MMD2: variants seen among roughly 807,000 people sequenced by gnomAD.
MMD2 encodes monocyte to macrophage differentiation factor 2.
A neutral mutation model predicts 33.5 loss-of-function variants in MMD2; 30 were observed. That is an observed-to-expected ratio of 0.90 (90% CI 0.67 to 1.22). MMD2 has a LOEUF of 1.22. Among genes scored for constraint, MMD2 ranks in the 50% most tolerant of loss-of-function variants. The pLI, the probability that MMD2 is intolerant of heterozygous loss-of-function variation, is 0.00. For missense variants in MMD2, 364 were observed against 325.4 expected (o/e 1.12, Z -0.91); for synonymous variants, 129 against 123.0 (o/e 1.05, Z -0.32).
chr7:4,895,044 G>T, the MMD2 span, among the ~76,000 whole-genome samples: 1 of 151,102 alleles, frequency 6.6e-6, no homozygotes, highest in Non-Finnish European at 1.5e-5. Context: ...ACGCTCAGCC[G>T]CTTGCATCCC....
At position 4,906,308 on chromosome 7, in the gene MMD2, G is replaced by A. The variant is rs2115080654; in HGVS notation, c.*1088C>T. The A allele has an allele frequency of 2.5e-6, 1 of 394,004 alleles. No homozygotes were observed. Among genetic ancestry groups the A allele is most frequent in the East Asian group, 3.6e-5 (1 of 27,852 alleles). 24.4% of individuals were successfully genotyped at this position (394,004 alleles called of 1,614,324 possible). On this transcript the variant is annotated 3_prime_UTR_variant, in exon 7 of 7. Transcript: ENST00000401401. ...AGAACAGGCCCCCAGCAGCCTTGTT[G>A]TTGGGCTACTGAGCACTTCAGAGGT...
At chr7:4,896,366 G>C in the MMD2 span, among the ~76,000 whole-genome samples, 1 of 152,218 alleles carries the variant, frequency 6.6e-6, no homozygotes, top group Non-Finnish European at 1.5e-5. Context: ...TGTAGTCCCA[G>C]TTACTTGGGA....
intron 3 of MMD2, among the ~76,000 whole-genome samples, 160 bp from the exon 4 acceptor site, chr7:4,916,239 T>C (rs1361029356): frequency 1.3e-5 from 2 of 151,930 alleles, no homozygotes; most frequent in African/African-American, 4.8e-5. Context: ...TCCCCATCTG[T>C]AAGTGACCAG....
chr7:4,942,195 C>G (rs1240576533), intron 1 of MMD2, among the ~76,000 whole-genome samples: 1 of 152,090 alleles, frequency 6.6e-6, no homozygotes. Context: ...CTCAGATGAT[C>G]CACTGCCTTG....
rs760471531 is a variant in MMD2, at chr7:4,909,897, AG to A, written c.520del (p.Leu174TrpfsTer16). On this transcript the variant is annotated frameshift_variant, in exon 6 of 7. Coordinates refer to ENST00000401401, the MANE Select transcript of MMD2 (RefSeq NM_198403.4). LOFTEE classifies it high-confidence loss of function. ...AGCACTTACCATGGAGAGGATGACC[AG>A]GGCGGGGAAGAAGCCCATTACGACG... ...CYVVMGFFPA[L>X]VILSMPNTEG... 6.2e-7 allele frequency: 1 copy of A among 1,613,490 alleles called. No individual in the cohort carries two copies. Among genetic ancestry groups the A allele is most frequent in the Non-Finnish European group, 8.5e-7 (1 of 1,179,716 alleles).
chr7:4,916,165 T>C, intron 3 of MMD2, 86 bp from the exon 4 acceptor site: 1 of 1,307,480 alleles, frequency 7.6e-7, no homozygotes, highest in East Asian at 2.4e-5. Context: ...GGACTGATCG[T>C]GCCTGCCTAC....
At chr7:4,911,603 A>ATTTTG (rs1462823440) in intron 4 of MMD2, among the ~76,000 whole-genome samples, 2 of 144,884 alleles carry the variant, frequency 1.4e-5, no homozygotes, top group African/African-American at 2.6e-5. Flanking sequence ...GTTTTGTTTT[A>ATTTTG]TTTATTTTAT....
intron 2 of MMD2, among the ~76,000 whole-genome samples, chr7:4,923,005 G>A (rs979862255): frequency 6.6e-6 from 1 of 152,076 alleles, no homozygotes; most frequent in African/African-American, 2.4e-5. Flanking sequence ...AATATGCCTT[G>A]TGTTTATAGC....
chr7:4,957,741 C>T (rs567281851), intron 1 of MMD2, among the ~76,000 whole-genome samples: 2 of 152,236 alleles, frequency 1.3e-5, no homozygotes, highest in African/African-American at 2.4e-5. Context: ...TTCCCAAGTG[C>T]ATCACATCTC....
the MMD2 span, among the ~76,000 whole-genome samples, chr7:4,894,798 C>G: frequency 6.6e-6 from 1 of 152,156 alleles, no homozygotes; most frequent in Non-Finnish European, 1.5e-5. This position sits in a 1 kb window ranked among gnomAD's most constrained non-coding sequence, Gnocchi z 4.3. Flanking sequence ...CGCCCCTGCC[C>G]TCTAGGCACC....
Position 4,907,336 on chromosome 7 carries a change from A to G in MMD2, c.*60T>C. Reference sequence around the variant, plus strand: ...GGCCTTGGCGCTGTGCTCTGGGTTAACGTTCACAGAAACGTGCTCCACTCC... The same window carrying G: ...GGCCTTGGCGCTGTGCTCTGGGTTAGCGTTCACAGAAACGTGCTCCACTCC... On this transcript the variant is annotated 3_prime_UTR_variant, in exon 7 of 7. Transcript: ENST00000401401. 6.5e-7 allele frequency: 1 copy of G among 1,539,760 alleles called. No homozygotes were observed.
At chr7:4,899,931 C>G in the MMD2 span, among the ~76,000 whole-genome samples, 2 of 152,158 alleles carry the variant, frequency 1.3e-5, no homozygotes, top group South Asian at 2.1e-4. Context: ...CATTGAAAGT[C>G]CATCAGGAAG....
chr7:4,913,810 T>C (rs572809918), intron 4 of MMD2, among the ~76,000 whole-genome samples: 288 of 150,922 alleles, frequency 1.9e-3, no homozygotes, highest in African/African-American at 6.6e-3. Context: ...CACAGGTGCC[T>C]GCCACCACGC....
the MMD2 span, among the ~76,000 whole-genome samples, chr7:4,893,085 A>G: frequency 6.6e-6 from 1 of 152,126 alleles, no homozygotes; most frequent in South Asian, 2.1e-4. Flanking sequence ...TTGCTGTAAG[A>G]GGAGTGGATG....
chr7:4,901,784 G>A (rs1157663527), downstream of MMD2, among the ~76,000 whole-genome samples: 3 of 152,308 alleles, frequency 2.0e-5, no homozygotes, highest in Middle Eastern at 6.8e-3. Context: ...GGGAAGTGGC[G>A]GAGCCGGGGG....
intron 6 of MMD2, among the ~76,000 whole-genome samples, chr7:4,909,212 G>A (rs1245875514): frequency 1.3e-5 from 2 of 151,874 alleles, no homozygotes; most frequent in Admixed American, 1.3e-4. Context: ...CTCTCCGCAG[G>A]GCACGGTAGC....
Position 4,930,271 on chromosome 7 carries a change from C to CAGA in MMD2, c.48-4740_48-4739insTCT, listed in dbSNP as rs1554271750. 2.1e-4 allele frequency among the ~76,000 whole-genome samples: 10 copies of CAGA among 47,178 alleles called. No individual in the cohort carries two copies. The East Asian group carries it at 3.6e-3, about 17-fold the overall frequency. The allele number at this position is 47,178 out of a possible 152,430, so 31.0% of individuals were successfully genotyped here. A position where few individuals can be genotyped will look rare whatever the true frequency, so the allele number is the denominator to read the frequency against. On this transcript the variant is annotated intron_variant, in intron 1 of 6. Transcript: ENST00000401401. ...TGGGAGACAGAACAAGACTCCATCT[C>CAGA]AAAAAAAAAAAAAAAAAAAAGAGCC... is the stretch of plus-strand genomic sequence containing the variant.
At chr7:4,914,322 T>C (rs1441111753) in intron 4 of MMD2, among the ~76,000 whole-genome samples, 1 of 152,228 alleles carries the variant, frequency 6.6e-6, no homozygotes, top group Non-Finnish European at 1.5e-5. Flanking sequence ...TAAATGGTGC[T>C]GTGGCCACAT....
At chr7:4,939,932 G>A (rs1214018108) in intron 1 of MMD2, among the ~76,000 whole-genome samples, 1 of 152,028 alleles carries the variant, frequency 6.6e-6, no homozygotes, top group Non-Finnish European at 1.5e-5. Flanking sequence ...ACTAGAGACG[G>A]GGTTTTGCCA....
Sources: gnomAD v4.1 joint callset for allele counts (sites outside exome capture counted in the v4.1 genomes callset) on GRCh38, gnomAD v4.1.1 for gene constraint, Gnocchi (gnomAD v3.1) non-coding constraint, MANE v1.5 for transcripts, NCBI Gene and HGNC (gene_info 2026-07-23, HGNC 2026-07-21) for gene names.